ADAMTS17: variants seen among roughly 807,000 people sequenced by gnomAD.
The protein encoded by ADAMTS17 is ADAM metallopeptidase with thrombospondin type 1 motif 17.
A neutral mutation model predicts 141.5 loss-of-function variants in ADAMTS17; 113 were observed. That is an observed-to-expected ratio of 0.80 (90% confidence interval 0.69 to 0.93). The LOEUF (loss-of-function observed/expected upper bound fraction) is 0.93. Ranked by LOEUF, ADAMTS17 falls within the 40% of genes least tolerant of loss-of-function variation. ADAMTS17 has a pLI of 0.00. For missense variants in ADAMTS17, 1,659 were observed against 1,517.9 expected (o/e 1.09, Z -1.54); for synonymous variants, 768 against 630.6 (o/e 1.22, Z -3.27).
intron 18 of ADAMTS17, among the ~76,000 whole-genome samples, chr15:100,021,850 G>A (rs767458597): frequency 4.0e-4 from 61 of 152,022 alleles, no homozygotes; most frequent in Non-Finnish European, 4.3e-4. Context: ...TGCTGGCACC[G>A]GTCCCTCTGC....
chr15:100,236,023 A>T lies in ADAMTS17; in HGVS notation c.1075+18113T>A, dbSNP rs573723196. 1.1e-4 allele frequency among the ~76,000 whole-genome samples: 16 copies of T among 152,178 alleles called. No homozygotes were observed. The South Asian group carries it at 3.3e-3, about 32-fold the overall frequency. On this transcript the variant is annotated intron_variant, in intron 7 of 21. Transcript: ENST00000268070. ...TGGCTGAACATTTGGGGTAAATTCG[A>T]TTCCTTGCATGACAGTCAATATCCT... is the stretch of plus-strand genomic sequence containing the variant.
At chr15:100,161,770 G>T (rs1156564848) in intron 8 of ADAMTS17, among the ~76,000 whole-genome samples, 1 of 152,196 alleles carries the variant, frequency 6.6e-6, no homozygotes, top group Non-Finnish European at 1.5e-5. Flanking sequence ...GGGATAACAG[G>T]CTGCACTCAT....
intron 8 of ADAMTS17, among the ~76,000 whole-genome samples, chr15:100,179,007 G>A (rs905138809): frequency 6.6e-6 from 1 of 152,020 alleles, no homozygotes; most frequent in Non-Finnish European, 1.5e-5. Context: ...TTTATGGGGT[G>A]CATGAGATAT....
At chr15:100,253,085 A>T (rs2043202880) in intron 7 of ADAMTS17, among the ~76,000 whole-genome samples, 1 of 151,666 alleles carries the variant, frequency 6.6e-6, no homozygotes, top group South Asian at 2.1e-4. Context: ...TCACACCTAT[A>T]CTGTTTTCTT....
At chr15:100,103,909 G>A (rs947282802) in intron 14 of ADAMTS17, among the ~76,000 whole-genome samples, 5 of 152,148 alleles carry the variant, frequency 3.3e-5, no homozygotes, top group South Asian at 2.1e-4. Context: ...GCTTTCCTCT[G>A]GGCCAGTGTA....
chr15:100,126,322 T>C (rs1202339112), intron 12 of ADAMTS17: 1 of 152,254 alleles, frequency 6.6e-6, no homozygotes, highest in African/African-American at 2.4e-5. Context: ...AAGGAGCATG[T>C]TGTTTTCATT....
intron 12 of ADAMTS17, among the ~76,000 whole-genome samples, chr15:100,121,062 A>G (rs781042280): frequency 1.3e-5 from 2 of 152,260 alleles, no homozygotes; most frequent in Non-Finnish European, 2.9e-5. Context: ...ATTGAAAAGT[A>G]TAAGAACTGA....
chr15:100,045,481 G>A lies in ADAMTS17; in HGVS notation c.2591+3376C>T, dbSNP rs550907116. ...TAAAACTCCAGGCACTGTCTCTCTT[G>A]TGGTGGGCAGCAGCTACAGTCTCAG... On this transcript the variant is annotated intron_variant, in intron 18 of 21. Coordinates refer to ENST00000268070, the MANE Select transcript of ADAMTS17 (RefSeq NM_139057.4). 4.6e-4 allele frequency among the ~76,000 whole-genome samples: 70 copies of A among 152,288 alleles called. 2 individuals are homozygous for A. The East Asian group carries it at 0.013, about 28-fold the overall frequency.
chr15:100,261,837 T>C (rs1283346677), intron 5 of ADAMTS17, among the ~76,000 whole-genome samples: 4 of 152,074 alleles, frequency 2.6e-5, no homozygotes, highest in African/African-American at 9.7e-5. Flanking sequence ...TACATATAGG[T>C]GCAAGTGAAG....
At chr15:100,255,617 A>AACACAC (rs10529356) in intron 6 of ADAMTS17, among the ~76,000 whole-genome samples, 40 of 140,294 alleles carry the variant, frequency 2.9e-4, no homozygotes, top group African/African-American at 5.9e-4. Flanking sequence ...TGTTTTGAGC[A>AACACAC]ACACACACAC....
intron 15 of ADAMTS17, among the ~76,000 whole-genome samples, chr15:100,067,604 G>C (rs899928938): frequency 1.3e-5 from 2 of 152,028 alleles, no homozygotes; most frequent in African/African-American, 4.8e-5. Flanking sequence ...TTGAACATCA[G>C]AGTACATATG....
Position 100,109,111 on chromosome 15 carries a change from G to T in ADAMTS17, c.1894C>A (p.Pro632Thr). 1 of 1,611,362 alleles carries T rather than the reference G, an allele frequency of 6.2e-7. No individual in the cohort carries two copies. The change falls in exon 14 of 22, where the codon CCA becomes ACA. Residue 632 changes from proline (P) to threonine (T), a missense_variant. Coordinates refer to ENST00000268070, the MANE Select transcript of ADAMTS17 (RefSeq NM_139057.4). ...AGGGGCGAGCAGTAGAGTTCACATG[G>T]CTTATCTGAGGAGGGAAAGGTTGGA... The part of the protein sequence containing the change: ...LLTAVVVDDK[P>T]CELYCSPLGK...
intron 12 of ADAMTS17, among the ~76,000 whole-genome samples, chr15:100,127,893 T>C (rs2037825916): frequency 1.5e-5 from 1 of 67,582 alleles, no homozygotes; most frequent in African/African-American, 3.7e-5. Context: ...CCTGATAAAG[T>C]TTTTTTTTTT....
At chr15:100,188,421 C>CA (rs1259588539) in intron 8 of ADAMTS17, among the ~76,000 whole-genome samples, 1 of 151,824 alleles carries the variant, frequency 6.6e-6, no homozygotes, top group Non-Finnish European at 1.5e-5. Flanking sequence ...AACACACACA[C>CA]AAAACCAGGT....
intron 16 of ADAMTS17, among the ~76,000 whole-genome samples, chr15:100,052,787 G>A (rs777702643): frequency 2.0e-5 from 3 of 152,222 alleles, no homozygotes; most frequent in East Asian, 1.9e-4. Flanking sequence ...TTGCAGGAAC[G>A]TATTTGCAGT....
chr15:100,112,052 G>A (rs748917462), intron 13 of ADAMTS17, among the ~76,000 whole-genome samples: 9 of 152,224 alleles, frequency 5.9e-5, no homozygotes, highest in African/African-American at 1.7e-4. Context: ...CCTCTGATTC[G>A]AGTAGAAGTG....
intron 14 of ADAMTS17, 88 bp from the exon 15 acceptor site, chr15:100,096,564 G>C (rs2035772490): frequency 1.9e-6 from 3 of 1,575,608 alleles, no homozygotes; most frequent in South Asian, 2.2e-5. Context: ...TTTTCCATGA[G>C]GTGCAGCATA....
chr15:100,112,613 C>T (rs1321102172), intron 13 of ADAMTS17, among the ~76,000 whole-genome samples: 1 of 152,170 alleles, frequency 6.6e-6, no homozygotes, highest in Non-Finnish European at 1.5e-5. Flanking sequence ...CCAGCATCAA[C>T]ACTCTTACAT....
At chr15:100,285,103 T>C (rs1008301832) in intron 3 of ADAMTS17, among the ~76,000 whole-genome samples, 7 of 152,262 alleles carry the variant, frequency 4.6e-5, no homozygotes, top group Non-Finnish European at 1.0e-4. Flanking sequence ...GAGGTGGTAC[T>C]GACTTGGAAA....
Sources: gnomAD v4.1 joint callset for allele counts (sites outside exome capture counted in the v4.1 genomes callset) on GRCh38, gnomAD v4.1.1 for gene constraint, MANE v1.5 for transcripts, NCBI Gene and HGNC (gene_info 2026-07-23, HGNC 2026-07-21) for gene names.